The following ACTR3 variants were observed in gnomAD, a reference collection of about 807,000 sequenced individuals.
The protein encoded by ACTR3 is actin-related protein 3.
In ACTR3, 12 loss-of-function variants were observed where a neutral mutation model predicts 56.8. That is an observed-to-expected ratio of 0.21 (90% CI 0.14 to 0.34). The LOEUF is 0.34. Among genes scored for constraint, ACTR3 ranks in the 10% least tolerant of loss-of-function variants. The pLI is 1.00. For missense variants in ACTR3, 282 were observed against 512.5 expected, an observed-to-expected ratio of 0.55 and a Z score of 4.34; for synonymous variants, 162 against 167.4, an observed-to-expected ratio of 0.97 and a Z score of 0.25.
chr2:113,898,934 G>T lies in ACTR3; in HGVS notation c.44+8611G>T, dbSNP rs185783401. On this transcript the variant is annotated intron_variant, in intron 1 of 11. Transcript: ENST00000263238. ...GTAGATTTAGAATTTTAGTCCTGGGGTAGTCTCATTCCAGAGCTCACTGCT... is the reference window on the plus strand; with the variant it reads ...GTAGATTTAGAATTTTAGTCCTGGGTTAGTCTCATTCCAGAGCTCACTGCT... 7.2e-5 allele frequency among the ~76,000 whole-genome samples: 11 copies of T among 152,268 alleles called. No individual in the cohort carries two copies. The East Asian group carries it at 2.1e-3, about 29-fold the overall frequency.
chr2:113,942,452 A>C (rs948612133), intron 8 of ACTR3, 93 bp downstream of exon 8: 5 of 796,552 alleles, frequency 6.3e-6, no homozygotes, highest in East Asian at 3.1e-5. Context: ...AACTTTTATT[A>C]GTACACTAAA....
At chr2:113,919,858 C>T (rs1044616925) in intron 3 of ACTR3, among the ~76,000 whole-genome samples, 9 of 152,230 alleles carry the variant, frequency 5.9e-5, no homozygotes, top group Admixed American at 1.3e-4. Flanking sequence ...AAGAGATTTT[C>T]ACACTTCAGT....
intron 4 of ACTR3, 152 bp from the exon 5 acceptor site, chr2:113,931,149 T>G: frequency 4.1e-6 from 2 of 492,866 alleles, no homozygotes; most frequent in Non-Finnish European, 7.1e-6. Context: ...CTCTATAGTT[T>G]TCCTTTGATC....
chr2:113,930,868 A>G (rs1679708850), intron 4 of ACTR3, among the ~76,000 whole-genome samples: 1 of 152,196 alleles, frequency 6.6e-6, no homozygotes, highest in Non-Finnish European at 1.5e-5. Flanking sequence ...AATCCTATAT[A>G]CTTCGGGGAC....
intron 5 of ACTR3, among the ~76,000 whole-genome samples, chr2:113,933,382 A>G (rs905845009): frequency 1.3e-5 from 2 of 151,948 alleles, no homozygotes; most frequent in Non-Finnish European, 2.9e-5. Flanking sequence ...GGTGGTGGGC[A>G]CCTGTAATCC....
chr2:113,901,254 A>T (rs1679093741), intron 1 of ACTR3, among the ~76,000 whole-genome samples: 1 of 152,230 alleles, frequency 6.6e-6, no homozygotes, highest in African/African-American at 2.4e-5. Context: ...GCTACTCGGG[A>T]GGCTGAGTCA....
Position 113,961,153 on chromosome 2 carries a change from C to T in ACTR3, c.*3698C>T, listed in dbSNP as rs1160382537. The T allele has an allele frequency of 6.6e-6, 1 of 151,948 alleles. No homozygotes were observed. Among genetic ancestry groups the T allele is most frequent in the Non-Finnish European group, 1.5e-5 (1 of 67,904 alleles). 9.4% of individuals were successfully genotyped at this position (151,948 alleles called of 1,614,324 possible). On this transcript the variant is annotated 3_prime_UTR_variant, in exon 12 of 12. Transcript: ENST00000263238. Reference sequence around the variant, plus strand: ...GTACTGTATAAATGTTTATCCTTTTCCACGTAATTTGTTTTCTATGATATG... The same window carrying T: ...GTACTGTATAAATGTTTATCCTTTTTCACGTAATTTGTTTTCTATGATATG...
At chr2:113,909,703 A>G (rs183392561) in intron 1 of ACTR3, among the ~76,000 whole-genome samples, 8,795 of 129,100 alleles carry the variant, frequency 0.068, 763 homozygotes, top group African/African-American at 0.26. Context: ...TATAAGGGAA[A>G]AAAGAGTAGC....
intron 1 of ACTR3, among the ~76,000 whole-genome samples, chr2:113,898,656 T>C (rs1355719558): frequency 1.3e-5 from 2 of 152,200 alleles, no homozygotes; most frequent in Non-Finnish European, 2.9e-5. Context: ...TTTAGAGATA[T>C]TTTAAAAGTT....
At chr2:113,893,174 T>C (rs1678938957) in intron 1 of ACTR3, among the ~76,000 whole-genome samples, 1 of 151,974 alleles carries the variant, frequency 6.6e-6, no homozygotes, top group African/African-American at 2.4e-5. Context: ...TTAAAAGGCA[T>C]TCACAAACAT....
chr2:113,941,561 TAAAAC>T (rs1042370784), intron 7 of ACTR3, among the ~76,000 whole-genome samples: 5 of 152,140 alleles, frequency 3.3e-5, no homozygotes, highest in Admixed American at 1.3e-4. Context: ...TTTAAAAAAA[TAAAAC>T]AAATATTGGT....
At chr2:113,951,895 T>G (rs1680127324) in intron 10 of ACTR3, 50 bp downstream of exon 10, 2 of 1,601,898 alleles carry the variant, frequency 1.2e-6, no homozygotes, top group Non-Finnish European at 1.7e-6. Context: ...CTTCCTTGAT[T>G]AGGATGAGAA....
chr2:113,899,187 A>T (rs1294550677), intron 1 of ACTR3, among the ~76,000 whole-genome samples: 1 of 152,168 alleles, frequency 6.6e-6, no homozygotes, highest in Non-Finnish European at 1.5e-5. Flanking sequence ...GCAAGGACTG[A>T]TAATTGCTGA....
intron 4 of ACTR3, among the ~76,000 whole-genome samples, chr2:113,928,771 C>A (rs1175854509): frequency 6.6e-6 from 1 of 152,062 alleles, no homozygotes; most frequent in Non-Finnish European, 1.5e-5. Context: ...GTGATTTGTC[C>A]AATCTTTGTC....
At chr2:113,942,746 A>G (rs1182015471) in intron 8 of ACTR3, among the ~76,000 whole-genome samples, 1 of 152,064 alleles carries the variant, frequency 6.6e-6, no homozygotes, top group Non-Finnish European at 1.5e-5. Context: ...TAAAATGACC[A>G]TTATACAAAG....
chr2:113,890,216 C>T lies in ACTR3; in HGVS notation c.-64C>T. On this transcript the variant is annotated 5_prime_UTR_variant, in exon 1 of 12. Transcript: ENST00000263238. The stretch of plus-strand genomic sequence containing the variant: ...TCAGATAGCCCTTGTCTCCCGCCGC[C>T]AATCTCTGGCCCCTAGCAGCACGGA... The T allele has an allele frequency of 1.9e-6, 3 of 1,549,422 alleles. No homozygotes were observed. Among genetic ancestry groups the T allele is most frequent in the Non-Finnish European group, 2.6e-6 (3 of 1,145,140 alleles).
rs550634170 is a variant in ACTR3, at chr2:113,956,805, T to C, written c.1162-555T>C. Among the ~76,000 whole-genome samples the C allele has an allele frequency of 2.6e-5, 4 of 152,352 alleles. 1 individual carries two copies. In the South Asian group the frequency reaches 8.3e-4, roughly 32 times the overall value. On this transcript the variant is annotated intron_variant, in intron 11 of 11. Coordinates refer to ENST00000263238, the MANE Select transcript of ACTR3 (RefSeq NM_005721.5). Reference sequence around the variant, plus strand: ...ACATAAGAGGTGAAAGTTATTTTTTTCCTCAATTTTAGTCTTCTTCAATTG... The same window carrying C: ...ACATAAGAGGTGAAAGTTATTTTTTCCCTCAATTTTAGTCTTCTTCAATTG...
intron 5 of ACTR3, among the ~76,000 whole-genome samples, chr2:113,933,193 C>T (rs568349032): frequency 9.2e-5 from 14 of 152,130 alleles, no homozygotes; most frequent in African/African-American, 3.1e-4. Flanking sequence ...GTCATATAGT[C>T]CTAAACACAT....
intron 5 of ACTR3, 79 bp downstream of exon 5, chr2:113,931,475 T>A: frequency 1.1e-6 from 1 of 913,796 alleles, no homozygotes; most frequent in Non-Finnish European, 1.6e-6. Context: ...ACGTACTTTT[T>A]TTTTTTTTCT....
Sources: gnomAD v4.1 joint callset for allele counts (sites outside exome capture counted in the v4.1 genomes callset) on GRCh38, gnomAD v4.1.1 for gene constraint, MANE v1.5 for transcripts, NCBI Gene and HGNC (gene_info 2026-07-23, HGNC 2026-07-21) for gene names.